The following CADPS2 variants were observed in gnomAD, a reference collection of about 807,000 sequenced individuals.
CADPS2 encodes the protein calcium-dependent secretion activator 2.
In CADPS2, 93 loss-of-function variants were observed where a neutral mutation model predicts 172.5. The observed-to-expected ratio is 0.54, with a 90% CI of 0.46 to 0.64. The LOEUF (loss-of-function observed/expected upper bound fraction) is 0.64. CADPS2 is among the 30% of genes least tolerant of loss of function. The pLI, the probability that CADPS2 is intolerant of heterozygous loss-of-function variation, is 0.00. For missense variants in CADPS2, 1,420 were observed against 1,565.9 expected, an observed-to-expected ratio of 0.91 and a Z score of 1.57; for synonymous variants, 546 against 555.2, an observed-to-expected ratio of 0.98 and a Z score of 0.23.
chr7:122,677,719 A>T (rs2082534253), intron 2 of CADPS2, among the ~76,000 whole-genome samples: 1 of 152,220 alleles, frequency 6.6e-6, no homozygotes, highest in African/African-American at 2.4e-5. Context: ...ACACAGCCAG[A>T]GTGTGGAAGA....
chr7:122,645,172 T>A (rs899968678), intron 3 of CADPS2, among the ~76,000 whole-genome samples: 1 of 149,628 alleles, frequency 6.7e-6, no homozygotes, highest in Admixed American at 6.7e-5. Flanking sequence ...AGAATATGCA[T>A]ATATATTAAG....
At chr7:122,491,218 C>A (rs905077190) in intron 10 of CADPS2, 94 bp downstream of exon 10, 2 of 702,374 alleles carry the variant, frequency 2.8e-6, no homozygotes, top group Non-Finnish European at 4.5e-6. Flanking sequence ...CCCTATTCAT[C>A]GAGAGGGGTT....
chr7:122,379,196 A>G, intron 25 of CADPS2, 172 bp downstream of exon 25: 1 of 477,432 alleles, frequency 2.1e-6, no homozygotes, highest in Non-Finnish European at 3.8e-6. Flanking sequence ...AAAGCTGTTG[A>G]CATAGTGTTC....
At chr7:122,875,595 A>G (rs1275850284) in intron 1 of CADPS2, among the ~76,000 whole-genome samples, 1 of 152,208 alleles carries the variant, frequency 6.6e-6, no homozygotes, top group Non-Finnish European at 1.5e-5. Context: ...GCTAAGTACC[A>G]TAAGCAACAT....
intron 6 of CADPS2, among the ~76,000 whole-genome samples, chr7:122,612,182 C>T (rs1214330210): frequency 6.6e-6 from 1 of 151,826 alleles, no homozygotes; most frequent in Admixed American, 6.6e-5. Flanking sequence ...CACTTATAGT[C>T]AACATTGAAC....
chr7:122,882,379 C>T (rs140160140), intron 1 of CADPS2, among the ~76,000 whole-genome samples: 307 of 151,886 alleles, frequency 2.0e-3, no homozygotes, highest in African/African-American at 6.9e-3. Context: ...ATTTTAATAC[C>T]CTCTTATTTC....
rs1489706795 is a variant in CADPS2 at position 122,679,269 on chromosome 7, G to GT, written c.454-15701_454-15700insA. Reference sequence around the variant, plus strand: ...CCTGGGAAAAGAATGCATTCCTGGGGGGGGGGGGCTCTAAAATGGCCACCC... The same window carrying GT: ...CCTGGGAAAAGAATGCATTCCTGGGGTGGGGGGGGCTCTAAAATGGCCACCC... On this transcript the variant is annotated intron_variant, in intron 2 of 29. Transcript: ENST00000449022. Among the ~76,000 whole-genome samples, 3 of 118,464 alleles carry GT rather than the reference G, an allele frequency of 2.5e-5. 1 individual carries two copies. The highest frequency in any genetic ancestry group is 3.8e-5 in the Non-Finnish European group (2 of 53,130). The allele number at this position is 118,464 out of a possible 152,430, so 77.7% of individuals were successfully genotyped here.
chr7:122,721,745 G>A (rs986734236), intron 2 of CADPS2, among the ~76,000 whole-genome samples: 1 of 151,964 alleles, frequency 6.6e-6, no homozygotes, highest in Non-Finnish European at 1.5e-5. Context: ...AAAAAAAAGA[G>A]AATTTTACAC....
intron 17 of CADPS2, among the ~76,000 whole-genome samples, chr7:122,431,718 T>G (rs995244864): frequency 3.3e-5 from 5 of 151,926 alleles, no homozygotes; most frequent in African/African-American, 4.8e-5. Context: ...TCTTAAGAAG[T>G]AAATTGAGTT....
chr7:122,601,518 G>C (rs770180735), intron 6 of CADPS2, among the ~76,000 whole-genome samples: 6 of 151,920 alleles, frequency 3.9e-5, no homozygotes, highest in African/African-American at 1.4e-4. Context: ...CCACCACTGC[G>C]ATTTCTCTGG....
At chr7:122,848,176 T>A (rs934950253) in intron 1 of CADPS2, among the ~76,000 whole-genome samples, 2 of 152,218 alleles carry the variant, frequency 1.3e-5, no homozygotes, top group Admixed American at 6.5e-5. Context: ...GGAATGTCTC[T>A]GATAAAAGCA....
At chr7:122,698,477 C>A in intron 2 of CADPS2, 1 of 1,613,922 alleles carries the variant, frequency 6.2e-7, no homozygotes, top group Non-Finnish European at 8.5e-7. Flanking sequence ...ACGACATCTT[C>A]AAATGCCTGA....
chr7:122,816,574 G>C (rs539941767), intron 1 of CADPS2, among the ~76,000 whole-genome samples: 22 of 152,288 alleles, frequency 1.4e-4, no homozygotes, highest in African/African-American at 4.8e-4. Context: ...GGATCATACA[G>C]TAGTTCTATT....
At chr7:122,530,835 C>T (rs1378121435) in intron 8 of CADPS2, among the ~76,000 whole-genome samples, 6 of 152,200 alleles carry the variant, frequency 3.9e-5, no homozygotes, top group Admixed American at 1.3e-4. Flanking sequence ...CTCTTTTATA[C>T]GGAGGAGATG....
intron 7 of CADPS2, among the ~76,000 whole-genome samples, chr7:122,578,143 C>T (rs2068291868): frequency 6.7e-6 from 1 of 150,312 alleles, no homozygotes; most frequent in African/African-American, 2.4e-5. Flanking sequence ...TTTGTATATA[C>T]TTAATATGTG....
chr7:122,735,282 T>C (rs2092067932), intron 2 of CADPS2, among the ~76,000 whole-genome samples: 1 of 152,230 alleles, frequency 6.6e-6, no homozygotes, highest in East Asian at 1.9e-4. Flanking sequence ...ACTCTTGGGA[T>C]TGCATACAAC....
chr7:122,814,026 T>C (rs937527306), intron 1 of CADPS2, among the ~76,000 whole-genome samples: 2 of 152,060 alleles, frequency 1.3e-5, no homozygotes, highest in African/African-American at 2.4e-5. Flanking sequence ...AAGCTAGTCA[T>C]GTTATCCCCA....
intron 13 of CADPS2, among the ~76,000 whole-genome samples, chr7:122,473,415 A>T (rs2056233941): frequency 6.6e-6 from 1 of 152,190 alleles, no homozygotes; most frequent in South Asian, 2.1e-4. Flanking sequence ...TGTTAAACTT[A>T]ATTAGGCTAA....
intron 1 of CADPS2, among the ~76,000 whole-genome samples, chr7:122,875,728 GAA>G (rs1052459344): frequency 2.1e-4 from 32 of 152,166 alleles, no homozygotes; most frequent in African/African-American, 7.5e-4. Flanking sequence ...AGTAAAATCT[GAA>G]AAGAGAATAT....
Sources: gnomAD v4.1 joint callset for allele counts (sites outside exome capture counted in the v4.1 genomes callset) on GRCh38, gnomAD v4.1.1 for gene constraint, MANE v1.5 for transcripts, NCBI Gene and HGNC (gene_info 2026-07-23, HGNC 2026-07-21) for gene names.